Variants in LRBA observed in about 807,000 individuals in gnomAD.
LRBA encodes LPS responsive beige-like anchor protein.
Under a neutral mutation model 330.0 loss-of-function variants are expected in LRBA, and 176 were observed. The observed-to-expected ratio is 0.53, with a 90% CI of 0.47 to 0.60. The LOEUF (loss-of-function observed/expected upper bound fraction) is 0.60, where lower values mean the gene tolerates loss of function less well. Ranked by LOEUF, LRBA falls within the 20% of genes least tolerant of loss-of-function variation. The probability of loss-of-function intolerance (pLI) is 0.00; values close to 1 mark genes in which losing one functional copy is unlikely to be tolerated. For synonymous variants in LRBA, 1,230 were observed against 1,193.0 expected, an observed-to-expected ratio of 1.03 and a Z score of -0.64; for missense variants, 3,259 against 3,444.8, an observed-to-expected ratio of 0.95 and a Z score of 1.35.
intron 40 of LRBA, among the ~76,000 whole-genome samples, chr4:150,510,272 A>C (rs1262260399): frequency 6.6e-6 from 1 of 152,204 alleles, no homozygotes; most frequent in Admixed American, 6.5e-5. Context: ...CAGGCTCAGC[A>C]GACTACACTG....
chr4:150,550,191 CTG>C (rs1469005270), intron 40 of LRBA, among the ~76,000 whole-genome samples: 1 of 152,034 alleles, frequency 6.6e-6, no homozygotes, highest in African/African-American at 2.4e-5. Context: ...ACTTTAAACA[CTG>C]TATTTTGATT....
chr4:150,929,662 A>G (rs1335019712), intron 2 of LRBA, among the ~76,000 whole-genome samples: 1 of 152,202 alleles, frequency 6.6e-6, no homozygotes, highest in African/African-American at 2.4e-5. Context: ...CGCTATAGCT[A>G]TACAGGCCTT....
intron 47 of LRBA, among the ~76,000 whole-genome samples, chr4:150,362,530 T>G (rs1738867836): frequency 6.6e-6 from 1 of 152,072 alleles, no homozygotes; most frequent in East Asian, 1.9e-4. Context: ...ACACCAAAAT[T>G]AGCTGGAGAA....
intron 22 of LRBA, among the ~76,000 whole-genome samples, chr4:150,859,788 T>C (rs1227315697): frequency 1.3e-5 from 2 of 152,220 alleles, no homozygotes; most frequent in Non-Finnish European, 2.9e-5. Flanking sequence ...TTCTGCAACA[T>C]TAGTTCTTTA....
rs150829802 is a variant in LRBA at position 150,683,641 on chromosome 4, T to C, written c.5831A>G (p.Tyr1944Cys). The C allele has an allele frequency of 6.4e-5, 104 of 1,613,668 alleles. No homozygotes were observed. Among genetic ancestry groups the C allele is most frequent in the Non-Finnish European group, 7.4e-5 (87 of 1,179,746 alleles). ...TTGAGTTGCTGTCACGTGGTCACGA[T>C]ATTTTGCTGCTCTTATCAAATGATC... ...MCDHLIRAAK[Y>C]RDHVTATQLI... Residue 1944 changes from tyrosine to cysteine, a missense_variant, in exon 37 of 57, where the codon TAT (tyrosine) becomes TGT (cysteine). Physicochemically the swap from Tyr to Cys is radical, Grantham distance 194. Coordinates refer to ENST00000651943, the MANE Select transcript of LRBA (RefSeq NM_001364905.1).
At chr4:150,720,382 CA>C (rs1203845647) in intron 36 of LRBA, among the ~76,000 whole-genome samples, 1 of 151,750 alleles carries the variant, frequency 6.6e-6, no homozygotes, top group African/African-American at 2.4e-5. Flanking sequence ...AAACATAATG[CA>C]AATAAGATAA....
chr4:150,507,301 G>A (rs563958029), intron 40 of LRBA, among the ~76,000 whole-genome samples: 1 of 152,288 alleles, frequency 6.6e-6, no homozygotes, highest in South Asian at 2.1e-4. Context: ...CAAAGCTGGA[G>A]GCATCACTCT....
At chr4:150,441,968 T>C (rs1751898836) in intron 44 of LRBA, among the ~76,000 whole-genome samples, 1 of 152,204 alleles carries the variant, frequency 6.6e-6, no homozygotes, top group Admixed American at 6.5e-5. Flanking sequence ...GCTATTAATG[T>C]GCTTATATAC....
At chr4:150,306,380 G>A (rs1163241088) in intron 52 of LRBA, among the ~76,000 whole-genome samples, 1 of 151,642 alleles carries the variant, frequency 6.6e-6, no homozygotes, top group Non-Finnish European at 1.5e-5. Context: ...TTGATTCTGT[G>A]CTAAACTTAA....
At chr4:150,592,663 C>A (rs190345097) in intron 38 of LRBA, among the ~76,000 whole-genome samples, 1 of 152,202 alleles carries the variant, frequency 6.6e-6, no homozygotes, top group Admixed American at 6.5e-5. Flanking sequence ...GAGACAGGAT[C>A]CTGCTCTGTC....
At position 150,999,138 on chromosome 4, in the gene LRBA, T is replaced by C. The variant is rs187123615; in HGVS notation, c.216+15289A>G. On this transcript the variant is annotated intron_variant, in intron 2 of 56. Coordinates refer to ENST00000651943, the MANE Select transcript of LRBA (RefSeq NM_001364905.1). Reference sequence around the variant, plus strand: ...AGAAAGAAAGGAAAATCCCCGAGCCTAAAGTGAAGAAGAAACAGAAAAATA... The same window carrying C: ...AGAAAGAAAGGAAAATCCCCGAGCCCAAAGTGAAGAAGAAACAGAAAAATA... 6.6e-5 allele frequency among the ~76,000 whole-genome samples: 10 copies of C among 152,284 alleles called. No individual in the cohort carries two copies. In the East Asian group the frequency reaches 1.9e-3, roughly 29 times the overall value.
rs528712312 is a variant in LRBA, at chr4:150,351,705, CA to C, written c.7195-1547del. On this transcript the variant is annotated intron_variant, in intron 47 of 56. Transcript: ENST00000651943. The stretch of plus-strand genomic sequence containing the variant: ...CTCCGTCTCAAAAAACAAAACAAAA[CA>C]AAAAAACTATACAGTAATCCCCCCT... Among the ~76,000 whole-genome samples the C allele has an allele frequency of 2.2e-4, 33 of 152,110 alleles. No individual in the cohort carries two copies. The East Asian group carries it at 3.3e-3, about 15-fold the overall frequency.
chr4:150,887,958 G>A, intron 17 of LRBA, among the ~76,000 whole-genome samples: 1 of 151,796 alleles, frequency 6.6e-6, no homozygotes. Context: ...GGAGTTCCTG[G>A]GCAACATAGT....
chr4:150,489,245 TATAATATATTATA>T (rs1758418384), intron 41 of LRBA, among the ~76,000 whole-genome samples: 1 of 105,188 alleles, frequency 9.5e-6, no homozygotes, highest in Admixed American at 1.3e-4. Flanking sequence ...TATACGAATA[TATAATATATTATA>T]TATAAGAATA....
At chr4:150,448,549 C>T (rs1752900259) in intron 44 of LRBA, among the ~76,000 whole-genome samples, 1 of 152,020 alleles carries the variant, frequency 6.6e-6, no homozygotes, top group African/African-American at 2.4e-5. Context: ...CACCTGTAAT[C>T]CCAGCACTTC....
At chr4:150,927,355 A>G (rs1422340951) in intron 4 of LRBA, among the ~76,000 whole-genome samples, 2 of 151,420 alleles carry the variant, frequency 1.3e-5, no homozygotes, top group African/African-American at 4.9e-5. Context: ...GCTGGGCAAC[A>G]GAGCGAGACT....
intron 40 of LRBA, among the ~76,000 whole-genome samples, chr4:150,501,691 T>C (rs1760296922): frequency 6.6e-6 from 1 of 151,240 alleles, no homozygotes; most frequent in Non-Finnish European, 1.5e-5. Flanking sequence ...AAGAGTAAAA[T>C]GGAAAACTAC....
intron 2 of LRBA, among the ~76,000 whole-genome samples, chr4:150,969,056 G>A (rs558327438): frequency 6.6e-6 from 1 of 152,284 alleles, no homozygotes; most frequent in Admixed American, 6.5e-5. Context: ...TAAGCCAACT[G>A]TTGAGACTCA....
At chr4:150,645,860 A>C (rs1458650047) in intron 37 of LRBA, among the ~76,000 whole-genome samples, 1 of 151,918 alleles carries the variant, frequency 6.6e-6, no homozygotes, top group African/African-American at 2.4e-5. Context: ...AACAGTAACT[A>C]TGAACCCCAA....
Sources: gnomAD v4.1 joint callset for allele counts (sites outside exome capture counted in the v4.1 genomes callset) on GRCh38, gnomAD v4.1.1 for gene constraint, MANE v1.5 for transcripts, NCBI Gene and HGNC (gene_info 2026-07-23, HGNC 2026-07-21) for gene names.